Variants in GBE1 observed in about 807,000 individuals in gnomAD.
GBE1 encodes the protein 1,4-alpha-glucan-branching enzyme.
In GBE1, 70 loss-of-function variants were observed where a neutral mutation model predicts 88.8. The observed-to-expected ratio is 0.79, with a 90% CI of 0.65 to 0.96. GBE1 has a LOEUF of 0.96. Among genes scored for constraint, GBE1 ranks in the 40% least tolerant of loss-of-function variants. The pLI is 0.00. For synonymous variants in GBE1, 284 were observed against 300.1 expected, an observed-to-expected ratio of 0.95 and a Z score of 0.56; for missense variants, 872 against 871.0, an observed-to-expected ratio of 1.00 and a Z score of -0.01.
At chr3:81,568,917 C>T (rs1443617122) in intron 12 of GBE1, among the ~76,000 whole-genome samples, 2 of 151,852 alleles carry the variant, frequency 1.3e-5, no homozygotes, top group African/African-American at 4.8e-5. Flanking sequence ...AACATGTATA[C>T]ACAGATTGTG....
intron 3 of GBE1, among the ~76,000 whole-genome samples, chr3:81,657,271 T>C (rs1368416623): frequency 2.6e-5 from 4 of 151,990 alleles, no homozygotes; most frequent in Non-Finnish European, 5.9e-5. Context: ...ATGAAGCCTC[T>C]AAATTTACCA....
At chr3:81,513,455 C>T (rs1034607794) in intron 14 of GBE1, among the ~76,000 whole-genome samples, 1 of 151,338 alleles carries the variant, frequency 6.6e-6, no homozygotes, top group African/African-American at 2.4e-5. Context: ...ACACTATGTG[C>T]TAGAGGGCAA....
chr3:81,631,343 T>C (rs1395228765), intron 7 of GBE1, among the ~76,000 whole-genome samples: 1 of 152,142 alleles, frequency 6.6e-6, no homozygotes, highest in Admixed American at 6.6e-5. Context: ...TATTCGACAT[T>C]GGAGGGAAAC....
At chr3:81,658,889 G>T (rs980505105) in intron 3 of GBE1, among the ~76,000 whole-genome samples, 7 of 152,106 alleles carry the variant, frequency 4.6e-5, no homozygotes, top group Admixed American at 1.3e-4. Context: ...GAAAAGAAAA[G>T]GAACAATGCT....
rs767657413 is a variant in GBE1 at position 81,537,023 on chromosome 3, C to T, written c.1691G>A (p.Arg564Lys). 6 of 1,588,414 alleles carry T rather than the reference C, an allele frequency of 3.8e-6. No homozygotes were observed. The highest frequency in any genetic ancestry group is 5.1e-6 in the Non-Finnish European group (6 of 1,169,000). ...KGNNESYHYA[R>K]RQFHLTDDDL... ...GTCGTCAGTTAAATGAAACTGCCGCCTGGCATAATGGTAACTCTCATTATT... is the reference window on the plus strand; with the variant it reads ...GTCGTCAGTTAAATGAAACTGCCGCTTGGCATAATGGTAACTCTCATTATT... The change falls in exon 13 of 16, where the codon AGG becomes AAG. Residue 564 changes from arginine (R) to lysine (K), a missense_variant. Physicochemically the swap from Arg to Lys is conservative, Grantham distance 26 (BLOSUM62 2). Transcript: ENST00000429644.
intron 1 of GBE1, among the ~76,000 whole-genome samples, chr3:81,748,142 A>C (rs1386491789): frequency 6.6e-6 from 1 of 152,160 alleles, no homozygotes; most frequent in Admixed American, 6.5e-5. Context: ...CGGCAAGTGA[A>C]AAAAGAAAAA....
chr3:81,523,230 TTAATA>T (rs1321739076), intron 14 of GBE1, among the ~76,000 whole-genome samples: 5 of 150,786 alleles, frequency 3.3e-5, no homozygotes, highest in Non-Finnish European at 7.4e-5. Flanking sequence ...AGTTAATATA[TTAATA>T]TATTTTAGAT....
chr3:81,495,025 T>A (rs528767487), intron 15 of GBE1, among the ~76,000 whole-genome samples: 317 of 152,324 alleles, frequency 2.1e-3, no homozygotes, highest in African/African-American at 7.4e-3. Flanking sequence ...AAGGGCAATT[T>A]AAAAAATTCC....
chr3:81,734,422 C>A (rs1470517484), intron 1 of GBE1, among the ~76,000 whole-genome samples: 1 of 152,108 alleles, frequency 6.6e-6, no homozygotes, highest in Non-Finnish European at 1.5e-5. Flanking sequence ...GGGAAAAAAA[C>A]CTATAGACTC....
chr3:81,640,625 AAT>A (rs758888543), intron 7 of GBE1, among the ~76,000 whole-genome samples: 3 of 150,912 alleles, frequency 2.0e-5, no homozygotes, highest in Middle Eastern at 3.4e-3. Context: ...TTCATATATA[AAT>A]ATATATATAT....
At chr3:81,647,276 C>T (rs1704778989) in intron 5 of GBE1, among the ~76,000 whole-genome samples, 1 of 152,106 alleles carries the variant, frequency 6.6e-6, no homozygotes, top group Non-Finnish European at 1.5e-5. Flanking sequence ...AGCTTTTATA[C>T]AGTCAGCATT....
chr3:81,715,825 A>G lies in GBE1; in HGVS notation c.144-10212T>C, dbSNP rs148234174. Among the ~76,000 whole-genome samples, 702 of 152,272 alleles carry G rather than the reference A, an allele frequency of 4.6e-3. 5 individuals carry two copies. Among genetic ancestry groups the G allele is most frequent in the African/African-American group, 0.012 (501 of 41,556 alleles). ...CACAAAAAATAAATTATTTTATGAC[A>G]CGTTACATCTTTCTTTTTAAAAAAA... On this transcript the variant is annotated intron_variant, in intron 1 of 15. Transcript: ENST00000429644.
intron 14 of GBE1, among the ~76,000 whole-genome samples, chr3:81,502,380 A>G (rs1017754038): frequency 6.6e-6 from 1 of 152,196 alleles, no homozygotes; most frequent in Non-Finnish European, 1.5e-5. Flanking sequence ...GAAAGTTTCA[A>G]AACATCAATT....
chr3:81,556,213 T>C (rs982707623), intron 12 of GBE1, among the ~76,000 whole-genome samples: 2 of 152,102 alleles, frequency 1.3e-5, no homozygotes, highest in African/African-American at 2.4e-5. Context: ...ACAGATCAAA[T>C]ATCTTACATA....
At chr3:81,736,911 T>C (rs1005924714) in intron 1 of GBE1, among the ~76,000 whole-genome samples, 1 of 152,118 alleles carries the variant, frequency 6.6e-6, no homozygotes, top group African/African-American at 2.4e-5. Flanking sequence ...CAGATTTACC[T>C]TTTTAGAAAA....
chr3:81,683,122 T>C (rs1446202159), intron 2 of GBE1, among the ~76,000 whole-genome samples: 1 of 152,202 alleles, frequency 6.6e-6, no homozygotes, highest in Non-Finnish European at 1.5e-5. Flanking sequence ...GTATGGCATT[T>C]CTTTTGGGGC....
intron 1 of GBE1, among the ~76,000 whole-genome samples, chr3:81,750,288 C>A (rs531097955): frequency 1.3e-5 from 2 of 151,376 alleles, no homozygotes; most frequent in African/African-American, 4.9e-5. Flanking sequence ...AAGAACAGCA[C>A]GGAAAGGTAC....
At chr3:81,509,447 T>C (rs1702696214) in intron 14 of GBE1, 1 of 151,942 alleles carries the variant, frequency 6.6e-6, no homozygotes, top group South Asian at 2.1e-4. Flanking sequence ...TATCAGCTTT[T>C]AACATATTAT....
rs1705526007 is a variant in GBE1 at position 81,691,834 on chromosome 3, T to C, written c.313+13610A>G. Among the ~76,000 whole-genome samples the C allele has an allele frequency of 2.0e-5, 3 of 152,204 alleles. No individual in the cohort carries two copies. In the South Asian group the frequency reaches 6.2e-4, roughly 32 times the overall value. ...ATACAGTTGAATCAAGCACCTAAGGTAATATTATTATTCATCTGGGTAGAT... is the reference window on the plus strand; with the variant it reads ...ATACAGTTGAATCAAGCACCTAAGGCAATATTATTATTCATCTGGGTAGAT... On this transcript the variant is annotated intron_variant, in intron 2 of 15. Coordinates refer to ENST00000429644, the MANE Select transcript of GBE1 (RefSeq NM_000158.4).
Sources: allele counts gnomAD v4.1 joint callset (sites outside exome capture counted in the v4.1 genomes callset), GRCh38; gene constraint gnomAD v4.1.1; transcripts MANE v1.5; gene names NCBI Gene and HGNC (gene_info 2026-07-23, HGNC 2026-07-21).